The following FHIT variants were observed in gnomAD, a reference collection of about 807,000 sequenced individuals.
FHIT encodes fragile histidine triad diadenosine triphosphatase.
FHIT carries 19 observed loss-of-function variants against 17.9 expected under a neutral mutation model. That is an observed-to-expected ratio of 1.06 (90% CI 0.74 to 1.56). The LOEUF (loss-of-function observed/expected upper bound fraction) is 1.56. FHIT is among the 40% of genes most tolerant of loss of function. FHIT has a pLI of 0.00. For synonymous variants in FHIT, 81 were observed against 69.7 expected (o/e 1.16, Z -0.81); for missense variants, 248 against 189.2 (o/e 1.31, Z -1.82).
intron 5 of FHIT, among the ~76,000 whole-genome samples, chr3:60,411,545 C>T (rs1224685278): frequency 6.6e-6 from 1 of 152,144 alleles, no homozygotes; most frequent in East Asian, 1.9e-4. Flanking sequence ...TCTGGACCTA[C>T]TGGCAATATA....
chr3:61,152,238 G>C (rs1430179232), intron 2 of FHIT, among the ~76,000 whole-genome samples: 1 of 152,118 alleles, frequency 6.6e-6, no homozygotes, highest in Admixed American at 6.5e-5. Context: ...TAGAAAAAGA[G>C]GCCAAACCCT....
chr3:60,261,596 A>T (rs915510965), intron 5 of FHIT, among the ~76,000 whole-genome samples: 11 of 152,204 alleles, frequency 7.2e-5, no homozygotes, highest in African/African-American at 2.6e-4. Context: ...CCTCTTCAAC[A>T]TAGAAACTAT....
intron 5 of FHIT, among the ~76,000 whole-genome samples, chr3:60,167,564 A>G (rs1024158791): frequency 2.6e-5 from 4 of 152,212 alleles, no homozygotes; most frequent in Non-Finnish European, 2.9e-5. Context: ...CATTGCAATA[A>G]TTGTGAAGGA....
At chr3:59,886,013 T>A (rs1215590980) in intron 8 of FHIT, among the ~76,000 whole-genome samples, 3 of 152,148 alleles carry the variant, frequency 2.0e-5, no homozygotes, top group African/African-American at 7.2e-5. Context: ...AAAGACACAT[T>A]TGGGGAACAC....
At chr3:59,758,784 G>A (rs776099386) in intron 8 of FHIT, among the ~76,000 whole-genome samples, 212 of 152,088 alleles carry the variant, frequency 1.4e-3, no homozygotes, top group Admixed American at 2.0e-3. Flanking sequence ...GAAATGAAAT[G>A]GTGTGAAAAT....
At chr3:59,818,560 G>GT (rs1484809384) in intron 8 of FHIT, among the ~76,000 whole-genome samples, 1 of 152,138 alleles carries the variant, frequency 6.6e-6, no homozygotes, top group Admixed American at 6.5e-5. Flanking sequence ...TCAAAAATAA[G>GT]TTTTTTGGGG....
At chr3:61,189,218 A>G (rs2038630112) in intron 2 of FHIT, among the ~76,000 whole-genome samples, 1 of 152,246 alleles carries the variant, frequency 6.6e-6, no homozygotes, top group Non-Finnish European at 1.5e-5. Flanking sequence ...TTAAGCTGAT[A>G]GGTAACTTCG....
chr3:60,632,627 A>G (rs1475743375), intron 4 of FHIT, among the ~76,000 whole-genome samples: 1 of 152,212 alleles, frequency 6.6e-6, no homozygotes, highest in African/African-American at 2.4e-5. Context: ...CCTCGGAGAT[A>G]AACTTTCTAG....
chr3:60,156,212 C>T (rs181221005), intron 5 of FHIT, among the ~76,000 whole-genome samples: 21 of 151,670 alleles, frequency 1.4e-4, no homozygotes, highest in African/African-American at 3.6e-4. Context: ...ATTAGCAGGG[C>T]GTGGTGATGC....
chr3:60,400,472 G>A (rs1014774938), intron 5 of FHIT, among the ~76,000 whole-genome samples: 1 of 152,114 alleles, frequency 6.6e-6, no homozygotes, highest in Non-Finnish European at 1.5e-5. Context: ...ATACCTCCAG[G>A]AAAAGAATGT....
chr3:60,000,614 G>C (rs1247871722), intron 7 of FHIT, among the ~76,000 whole-genome samples: 1 of 151,972 alleles, frequency 6.6e-6, no homozygotes, highest in Non-Finnish European at 1.5e-5. Context: ...AAGAATGCTA[G>C]AGGGACAACC....
At chr3:60,991,357 G>A (rs574529686) in intron 3 of FHIT, among the ~76,000 whole-genome samples, 1 of 152,324 alleles carries the variant, frequency 6.6e-6, no homozygotes, top group South Asian at 2.1e-4. Context: ...AGATCAGGTG[G>A]GGCCTTGCAG....
chr3:59,899,094 C>T (rs1180040946), intron 8 of FHIT, among the ~76,000 whole-genome samples: 2 of 152,220 alleles, frequency 1.3e-5, no homozygotes, highest in Non-Finnish European at 2.9e-5. Flanking sequence ...TCCTCCCAGC[C>T]TGGATTTAGA....
intron 5 of FHIT, among the ~76,000 whole-genome samples, chr3:60,124,984 G>A (rs1559654940): frequency 6.6e-6 from 1 of 152,178 alleles, no homozygotes; most frequent in East Asian, 1.9e-4. Context: ...ATTTTAGTAA[G>A]TTCCCAAATG....
intron 4 of FHIT, among the ~76,000 whole-genome samples, chr3:60,641,021 A>G (rs955943404): frequency 6.6e-6 from 1 of 152,122 alleles, no homozygotes; most frequent in Non-Finnish European, 1.5e-5. Flanking sequence ...CTTTACCAAA[A>G]ATACAAAATT....
At chr3:60,249,847 C>A (rs1326977982) in intron 5 of FHIT, among the ~76,000 whole-genome samples, 4 of 152,108 alleles carry the variant, frequency 2.6e-5, no homozygotes, top group Admixed American at 6.6e-5. Context: ...TTCCACATGG[C>A]TGAGGAGGCC....
intron 5 of FHIT, among the ~76,000 whole-genome samples, chr3:60,096,590 C>G (rs762368602): frequency 1.3e-5 from 2 of 152,148 alleles, no homozygotes; most frequent in Admixed American, 1.3e-4. Context: ...AGGTATTTGG[C>G]TGCCTCCTAC....
intron 5 of FHIT, among the ~76,000 whole-genome samples, chr3:60,200,183 A>C (rs1401823774): frequency 6.6e-6 from 1 of 152,146 alleles, no homozygotes; most frequent in Non-Finnish European, 1.5e-5. Flanking sequence ...GGTCCAGGCT[A>C]TAAAGGCAGA....
In FHIT at chr3:60,165,247, T is replaced by C. The variant is rs187308880; in HGVS notation, c.104-151095A>G. Among the ~76,000 whole-genome samples, 34 of 152,314 alleles carry C rather than the reference T, an allele frequency of 2.2e-4. No individual in the cohort carries two copies. In the East Asian group the frequency reaches 6.6e-3, roughly 29 times the overall value. On this transcript the variant is annotated intron_variant, in intron 5 of 9. Transcript: ENST00000492590. ...CACCACACGCAGAGTAGATGCTCAATTAATATTCAGTGAATGAATGAATGC... is the reference window on the plus strand; with the variant it reads ...CACCACACGCAGAGTAGATGCTCAACTAATATTCAGTGAATGAATGAATGC...
Sources: gnomAD v4.1 joint callset for allele counts (sites outside exome capture counted in the v4.1 genomes callset) on GRCh38, gnomAD v4.1.1 for gene constraint, MANE v1.5 for transcripts, NCBI Gene and HGNC (gene_info 2026-07-23, HGNC 2026-07-21) for gene names.